Variants in NTM observed in about 807,000 individuals in gnomAD.
The protein encoded by NTM is IgLON family member 2.
NTM carries 13 observed loss-of-function variants against 42.1 expected under a neutral mutation model. That is an observed-to-expected ratio of 0.31 (90% CI 0.20 to 0.49). The LOEUF (loss-of-function observed/expected upper bound fraction) is 0.49, where lower values mean the gene tolerates loss of function less well. NTM is among the 20% of genes least tolerant of loss of function. NTM has a pLI of 0.99. For missense variants in NTM, 373 were observed against 452.8 expected, an observed-to-expected ratio of 0.82 and a Z score of 1.60; for synonymous variants, 187 against 179.2, an observed-to-expected ratio of 1.04 and a Z score of -0.35.
chr11:132,320,208 G>A (rs2136253904), intron 7 of NTM, among the ~76,000 whole-genome samples: 1 of 152,338 alleles, frequency 6.6e-6, no homozygotes, highest in Non-Finnish European at 1.5e-5. Context: ...CTGGTCTACA[G>A]CTCCCAGCCT....
intron 5 of NTM, among the ~76,000 whole-genome samples, chr11:132,308,883 T>C (rs1270055839): frequency 2.0e-5 from 3 of 151,994 alleles, no homozygotes; most frequent in Non-Finnish European, 4.4e-5. Context: ...AAAGAAAAAA[T>C]ACGCTTAGGA....
At chr11:131,543,672 G>A (rs997249362) in intron 1 of NTM, among the ~76,000 whole-genome samples, 3 of 152,170 alleles carry the variant, frequency 2.0e-5, no homozygotes, top group South Asian at 2.1e-4. Context: ...CTCCAGCACA[G>A]CTTCCCCTAA....
At chr11:132,133,159 T>C (rs949137678) in intron 2 of NTM, among the ~76,000 whole-genome samples, 3 of 152,196 alleles carry the variant, frequency 2.0e-5, no homozygotes, top group Admixed American at 2.0e-4. Context: ...CCCATGTCTC[T>C]CCCAGCACCA....
chr11:131,916,825 T>C (rs2056467473), intron 2 of NTM, among the ~76,000 whole-genome samples: 1 of 152,238 alleles, frequency 6.6e-6, no homozygotes, highest in Admixed American at 6.5e-5. Flanking sequence ...TCACTCACTC[T>C]GTTGTGGACA....
intron 1 of NTM, among the ~76,000 whole-genome samples, chr11:131,423,462 G>A (rs1193775049): frequency 6.6e-6 from 1 of 152,156 alleles, no homozygotes; most frequent in Non-Finnish European, 1.5e-5. Context: ...CTAGAATAAG[G>A]CTGATGTCGT....
chr11:132,129,787 G>A (rs1202875136), intron 2 of NTM, among the ~76,000 whole-genome samples: 1 of 152,206 alleles, frequency 6.6e-6, no homozygotes, highest in African/African-American at 2.4e-5. Context: ...ATACAGTACA[G>A]GAGGTACCAA....
intron 1 of NTM, among the ~76,000 whole-genome samples, chr11:131,509,538 T>C (rs899418203): frequency 6.6e-6 from 1 of 152,246 alleles, no homozygotes; most frequent in African/African-American, 2.4e-5. Context: ...GAGTGAATAA[T>C]GCTTGCCTAA....
chr11:131,555,204 A>G (rs1018788378), intron 1 of NTM, among the ~76,000 whole-genome samples: 15 of 152,208 alleles, frequency 9.9e-5, no homozygotes, highest in African/African-American at 3.4e-4. Flanking sequence ...TATGTGTTCA[A>G]TACAGTAAAT....
intron 1 of NTM, among the ~76,000 whole-genome samples, chr11:131,445,503 A>G (rs1016641248): frequency 6.6e-6 from 1 of 152,220 alleles, no homozygotes; most frequent in African/African-American, 2.4e-5. Context: ...TGTTTAGCAT[A>G]CCAGAGATAG....
intron 1 of NTM, among the ~76,000 whole-genome samples, chr11:131,656,578 C>G (rs1021690295): frequency 3.3e-5 from 5 of 152,158 alleles, no homozygotes; most frequent in African/African-American, 1.2e-4. Context: ...GCCTGTGTCA[C>G]AGATATACTG....
rs575939255 is a variant in NTM at position 131,416,347 on chromosome 11, A to T, written c.82+45459A>T. ...GTAAATGAACTTAACCTTCAAACTC[A>T]TCATTTTTTACCATTATTATTTCAC... On this transcript the variant is annotated intron_variant, in intron 1 of 8. Transcript: ENST00000683400. Among the ~76,000 whole-genome samples the T allele has an allele frequency of 5.3e-5, 8 of 152,318 alleles. No individual in the cohort carries two copies. The East Asian group carries it at 1.5e-3, about 29-fold the overall frequency.
intron 1 of NTM, among the ~76,000 whole-genome samples, chr11:131,702,949 T>G (rs2076225050): frequency 6.6e-6 from 1 of 152,228 alleles, no homozygotes. Flanking sequence ...ATAGGATTTT[T>G]TTGTATGAAT....
At chr11:132,230,628 T>G (rs2139028078) in intron 4 of NTM, among the ~76,000 whole-genome samples, 1 of 152,338 alleles carries the variant, frequency 6.6e-6, no homozygotes, top group Middle Eastern at 3.4e-3. Flanking sequence ...GCCTTCGCCA[T>G]CTCCTCTGTC....
At chr11:131,480,943 G>A (rs1330879329) in intron 1 of NTM, among the ~76,000 whole-genome samples, 1 of 152,130 alleles carries the variant, frequency 6.6e-6, no homozygotes, top group African/African-American at 2.4e-5. Context: ...GAATTGGGTG[G>A]GGGTTTTCCA....
chr11:132,202,199 G>T (rs548618366), intron 3 of NTM, among the ~76,000 whole-genome samples: 5 of 152,258 alleles, frequency 3.3e-5, no homozygotes, highest in Non-Finnish European at 7.4e-5. Context: ...ATGGTTTTGG[G>T]TTACTTGTGT....
intron 1 of NTM, among the ~76,000 whole-genome samples, chr11:131,875,961 C>G (rs1330003934): frequency 1.3e-5 from 2 of 152,190 alleles, no homozygotes; most frequent in Non-Finnish European, 2.9e-5. Context: ...TGAGGAGGGG[C>G]CCAGTGCAAG....
intron 1 of NTM, among the ~76,000 whole-genome samples, chr11:131,878,902 C>G (rs1202023814): frequency 1.3e-5 from 2 of 151,974 alleles, no homozygotes; most frequent in Non-Finnish European, 2.9e-5. Context: ...CCCCTAAATA[C>G]TCCAGTGTTC....
intron 1 of NTM, among the ~76,000 whole-genome samples, chr11:131,890,753 C>T (rs534934334): frequency 6.6e-6 from 1 of 152,276 alleles, no homozygotes; most frequent in South Asian, 2.1e-4. Context: ...CTGTGTGCTG[C>T]TGATGGTGCC....
chr11:131,595,886 C>G (rs2059771007), intron 1 of NTM, among the ~76,000 whole-genome samples: 1 of 152,236 alleles, frequency 6.6e-6, no homozygotes, highest in Non-Finnish European at 1.5e-5. Flanking sequence ...GAACAAAAAG[C>G]AGTAGAAAGA....
Sources: allele counts gnomAD v4.1 joint callset (sites outside exome capture counted in the v4.1 genomes callset), GRCh38; gene constraint gnomAD v4.1.1; transcripts MANE v1.5; gene names NCBI Gene and HGNC (gene_info 2026-07-23, HGNC 2026-07-21).